PAK5: variants seen among roughly 807,000 people sequenced by gnomAD.
The protein encoded by PAK5 is p21 (RAC1) activated kinase 5, also known as serine/threonine-protein kinase PAK 5.
A neutral mutation model predicts 65.9 loss-of-function variants in PAK5; 16 were observed. The observed-to-expected ratio is 0.24, with a 90% CI of 0.16 to 0.37. The LOEUF (loss-of-function observed/expected upper bound fraction) is 0.37, where lower values mean the gene tolerates loss of function less well. Ranked by LOEUF, PAK5 falls within the 10% of genes least tolerant of loss-of-function variation. The probability of loss-of-function intolerance (pLI) is 1.00; values close to 1 mark genes in which losing one functional copy is unlikely to be tolerated. For missense variants in PAK5, 785 were observed against 903.9 expected (o/e 0.87, Z 1.69); for synonymous variants, 371 against 354.9 (o/e 1.05, Z -0.51).
At chr20:9,643,198 C>G (rs2047091612) in intron 3 of PAK5, among the ~76,000 whole-genome samples, 1 of 152,180 alleles carries the variant, frequency 6.6e-6, no homozygotes, top group Non-Finnish European at 1.5e-5. Context: ...AGAATCTGAA[C>G]TTCAAGCTTT....
At chr20:9,722,896 C>T (rs912143967) in intron 1 of PAK5, among the ~76,000 whole-genome samples, 3 of 151,894 alleles carry the variant, frequency 2.0e-5, no homozygotes, top group African/African-American at 7.3e-5. Context: ...GCCACCATGC[C>T]CAGCTAATTT....
chr20:9,648,978 C>T (rs146611772), intron 2 of PAK5, among the ~76,000 whole-genome samples: 6 of 152,242 alleles, frequency 3.9e-5, no homozygotes, highest in African/African-American at 9.6e-5. Flanking sequence ...CTGCTCAGCA[C>T]CCATGTAAAC....
chr20:9,579,878 CT>C (rs1161947713), intron 4 of PAK5, among the ~76,000 whole-genome samples: 1 of 152,166 alleles, frequency 6.6e-6, no homozygotes, highest in African/African-American at 2.4e-5. Context: ...AGAATTCTAT[CT>C]TTCAAATCAA....
At chr20:9,700,364 C>G (rs1424656806) in intron 2 of PAK5, among the ~76,000 whole-genome samples, 1 of 152,112 alleles carries the variant, frequency 6.6e-6, no homozygotes, top group Non-Finnish European at 1.5e-5. Context: ...TGAGCTGTGA[C>G]TGTGCCACTG....
intron 1 of PAK5, among the ~76,000 whole-genome samples, chr20:9,836,309 G>A (rs1979144676): frequency 6.6e-6 from 1 of 152,128 alleles, no homozygotes; most frequent in Non-Finnish European, 1.5e-5. Context: ...TTAGAAATCA[G>A]GCATTTGCAA....
intron 1 of PAK5, among the ~76,000 whole-genome samples, chr20:9,733,617 G>C (rs1457686154): frequency 6.6e-6 from 1 of 152,052 alleles, no homozygotes; most frequent in East Asian, 1.9e-4. Context: ...ACTAATTTTT[G>C]TGTTTTTAGT....
At chr20:9,758,433 G>A (rs1167721902) in intron 1 of PAK5, among the ~76,000 whole-genome samples, 2 of 152,124 alleles carry the variant, frequency 1.3e-5, no homozygotes, top group African/African-American at 4.8e-5. Flanking sequence ...CAACAACAGT[G>A]ATGTCTCCTT....
intron 3 of PAK5, among the ~76,000 whole-genome samples, chr20:9,622,491 G>T (rs957076946): frequency 6.6e-6 from 1 of 152,180 alleles, no homozygotes; most frequent in Non-Finnish European, 1.5e-5. Flanking sequence ...AACATGAGGA[G>T]GAGGGGGAAA....
chr20:9,684,262 C>T (rs186105906), intron 2 of PAK5, among the ~76,000 whole-genome samples: 152 of 152,272 alleles, frequency 1.0e-3, no homozygotes, highest in Middle Eastern at 3.4e-3. Flanking sequence ...CTGCCACTTA[C>T]ACTAGTTATG....
intron 3 of PAK5, among the ~76,000 whole-genome samples, chr20:9,618,677 T>G (rs947862704): frequency 6.6e-6 from 1 of 151,780 alleles, no homozygotes; most frequent in Non-Finnish European, 1.5e-5. Flanking sequence ...CCTCCCAAAG[T>G]GCTGGGATTA....
intron 3 of PAK5, among the ~76,000 whole-genome samples, chr20:9,587,817 T>TA (rs1464641406): frequency 6.6e-6 from 1 of 152,116 alleles, no homozygotes; most frequent in African/African-American, 2.4e-5. Flanking sequence ...ACAAAAAAGT[T>TA]AGACTGAGGT....
intron 9 of PAK5, among the ~76,000 whole-genome samples, chr20:9,541,321 A>C (rs1184225816): frequency 6.6e-6 from 1 of 152,150 alleles, no homozygotes; most frequent in Non-Finnish European, 1.5e-5. Flanking sequence ...GTCCTTTGGA[A>C]ATCTGGCAGC....
At chr20:9,554,311 C>A (rs2045474607) in intron 7 of PAK5, among the ~76,000 whole-genome samples, 1 of 152,184 alleles carries the variant, frequency 6.6e-6, no homozygotes, top group African/African-American at 2.4e-5. Context: ...AAATGCCATG[C>A]ACTTCCACCT....
At chr20:9,602,540 G>A (rs765615376) in intron 3 of PAK5, among the ~76,000 whole-genome samples, 8 of 152,174 alleles carry the variant, frequency 5.3e-5, no homozygotes, top group East Asian at 3.9e-4. Context: ...AGGCTGATTC[G>A]TCAGTCAGTT....
intron 7 of PAK5, among the ~76,000 whole-genome samples, chr20:9,544,863 A>T (rs970253751): frequency 6.6e-6 from 1 of 152,226 alleles, no homozygotes. Context: ...TCATATACAT[A>T]AGTTGCTATT....
At chr20:9,780,766 T>C (rs1012381335) in intron 1 of PAK5, among the ~76,000 whole-genome samples, 1 of 152,184 alleles carries the variant, frequency 6.6e-6, no homozygotes, top group African/African-American at 2.4e-5. Context: ...TTTCACATGG[T>C]ATAACCATTT....
chr20:9,718,728 C>CA (rs920393956), intron 1 of PAK5, among the ~76,000 whole-genome samples: 9 of 151,800 alleles, frequency 5.9e-5, no homozygotes, highest in Non-Finnish European at 1.0e-4. Flanking sequence ...AGAACCTTTC[C>CA]AAAAAAAATT....
At chr20:9,623,811 G>A (rs768309342) in intron 3 of PAK5, among the ~76,000 whole-genome samples, 1 of 152,144 alleles carries the variant, frequency 6.6e-6, no homozygotes, top group Non-Finnish European at 1.5e-5. Context: ...AAGATATGAA[G>A]AGATGCTCAA....
At chr20:9,620,484 C>T (rs765889527) in intron 3 of PAK5, among the ~76,000 whole-genome samples, 6 of 152,152 alleles carry the variant, frequency 3.9e-5, no homozygotes, top group African/African-American at 7.2e-5. Flanking sequence ...GGCTGATGGG[C>T]AGTTGGACCA....
Sources: gnomAD v4.1 joint callset for allele counts (sites outside exome capture counted in the v4.1 genomes callset) on GRCh38, gnomAD v4.1.1 for gene constraint, MANE v1.5 for transcripts, NCBI Gene and HGNC (gene_info 2026-07-23, HGNC 2026-07-21) for gene names.